The following LAMA2 variants were observed in gnomAD, a reference collection of about 807,000 sequenced individuals.
LAMA2 encodes the protein laminin subunit alpha 2, also known as laminin subunit alpha-2.
LAMA2 carries 269 observed loss-of-function variants against 364.8 expected under a neutral mutation model. That is an observed-to-expected ratio of 0.74 (90% CI 0.67 to 0.82). The LOEUF is 0.82. LAMA2 is among the 40% of genes least tolerant of loss of function. The pLI is 0.00. For synonymous variants in LAMA2, 1,379 were observed against 1,370.6 expected (o/e 1.01, Z -0.14); for missense variants, 3,807 against 3,873.2 (o/e 0.98, Z 0.45).
At chr6:129,058,007 A>T (rs912805606) in intron 2 of LAMA2, among the ~76,000 whole-genome samples, 3 of 152,204 alleles carry the variant, frequency 2.0e-5, no homozygotes, top group African/African-American at 7.2e-5. Context: ...ACACAGGAGT[A>T]CAGGGAAGCT....
At chr6:129,380,166 G>A (rs1197528416) in intron 34 of LAMA2, among the ~76,000 whole-genome samples, 1 of 152,052 alleles carries the variant, frequency 6.6e-6, no homozygotes, top group Non-Finnish European at 1.5e-5. Context: ...AGGTAAGGAG[G>A]GCTTCACTGA....
intron 18 of LAMA2, among the ~76,000 whole-genome samples, chr6:129,285,392 A>T (rs993856539): frequency 2.6e-5 from 4 of 152,066 alleles, no homozygotes; most frequent in African/African-American, 9.7e-5. Context: ...TAAAAGACAG[A>T]TGCTTCTTTA....
intron 1 of LAMA2, among the ~76,000 whole-genome samples, chr6:128,934,810 T>A (rs763465892): frequency 2.0e-5 from 3 of 152,156 alleles, no homozygotes; most frequent in Non-Finnish European, 4.4e-5. Context: ...CACCCGGCCA[T>A]TTTTTCTACA....
intron 1 of LAMA2, among the ~76,000 whole-genome samples, chr6:128,892,542 A>T (rs1776523213): frequency 6.6e-6 from 1 of 152,048 alleles, no homozygotes; most frequent in African/African-American, 2.4e-5. Context: ...CATAAAGGTT[A>T]GTTATTATTC....
chr6:129,379,357 C>T (rs950412128), intron 34 of LAMA2, among the ~76,000 whole-genome samples: 2 of 151,540 alleles, frequency 1.3e-5, no homozygotes, highest in African/African-American at 4.9e-5. Context: ...CAAATCTGCA[C>T]ATCCTGCACA....
intron 1 of LAMA2, among the ~76,000 whole-genome samples, chr6:129,005,467 T>A (rs746128821): frequency 1.3e-5 from 2 of 151,916 alleles, no homozygotes; most frequent in Non-Finnish European, 2.9e-5. Flanking sequence ...ACCTGCTTTT[T>A]AAAAAAATAT....
chr6:129,145,073 G>A (rs76883701), intron 5 of LAMA2, among the ~76,000 whole-genome samples: 1,760 of 152,064 alleles, frequency 0.012, 35 homozygotes, highest in African/African-American at 0.04. Flanking sequence ...TCTACTGTAT[G>A]ACTAGAGGTA....
chr6:128,922,596 T>G (rs1484877629), intron 1 of LAMA2, among the ~76,000 whole-genome samples: 2 of 151,924 alleles, frequency 1.3e-5, no homozygotes, highest in African/African-American at 4.9e-5. Context: ...TCATTGTAGA[T>G]TCTGGATATT....
At chr6:129,314,385 C>A (rs1304939153) in intron 23 of LAMA2, among the ~76,000 whole-genome samples, 2 of 103,520 alleles carry the variant, frequency 1.9e-5, no homozygotes, top group African/African-American at 9.3e-5. Context: ...GGCGAAAGAG[C>A]GAGACTCCGT....
chr6:129,462,626 A>G (rs888839056), intron 49 of LAMA2, among the ~76,000 whole-genome samples: 5 of 151,760 alleles, frequency 3.3e-5, no homozygotes, highest in African/African-American at 1.2e-4. Context: ...CAGGATTGTT[A>G]TTGTTTTGTG....
chr6:129,158,173 G>A, intron 8 of LAMA2: 1 of 1,613,310 alleles, frequency 6.2e-7, no homozygotes, highest in Non-Finnish European at 8.5e-7. Context: ...AAGTCATAGA[G>A]AGATCCATTT....
At chr6:129,512,213 G>A (rs887132106) in intron 62 of LAMA2, 150 bp from the exon 63 acceptor site, 2 of 716,054 alleles carry the variant, frequency 2.8e-6, no homozygotes, top group Non-Finnish European at 4.7e-6. Context: ...AGTGGTGGAA[G>A]ATAGGCCAGG....
At chr6:129,407,184 C>G (rs1314312526) in intron 40 of LAMA2, among the ~76,000 whole-genome samples, 1 of 152,096 alleles carries the variant, frequency 6.6e-6, no homozygotes, top group African/African-American at 2.4e-5. Flanking sequence ...TTTTAATCTC[C>G]TTTGGCAACA....
chr6:129,420,808 C>CT (rs1781035247), intron 40 of LAMA2, among the ~76,000 whole-genome samples: 1 of 152,110 alleles, frequency 6.6e-6, no homozygotes, highest in South Asian at 2.1e-4. Context: ...CTGATAAACT[C>CT]TAACTTGCCT....
At chr6:129,405,009 A>C (rs1430084622) in intron 40 of LAMA2, among the ~76,000 whole-genome samples, 4 of 152,066 alleles carry the variant, frequency 2.6e-5, no homozygotes, top group Admixed American at 2.6e-4. Context: ...TTGACTTCTT[A>C]TTCAAAATAG....
Position 129,481,290 on chromosome 6 carries a change from C to T in LAMA2, c.7600C>T (p.Pro2534Ser), listed in dbSNP as rs1355440441. Residue 2534 changes from proline (P) to serine (S), a missense_variant, in exon 55 of 65, where the codon CCT becomes TCT. Pro to Ser is a moderately conservative substitution (Grantham distance 74). Transcript: ENST00000421865. Reference protein sequence around the residue: ...ENVYTVSFPKPGFVELSPVPI... With the variant: ...ENVYTVSFPKSGFVELSPVPI... The stretch of plus-strand genomic sequence containing the variant: ...TGTTTACACAGTTAGCTTTCCTAAG[C>T]CTGGTTTTGTGGAGCTCTCCCCTGT... 8 of 1,613,630 alleles carry T rather than the reference C, an allele frequency of 5.0e-6. No homozygotes were observed. The African/African-American group carries it at 9.4e-5, about 19-fold the overall frequency.
chr6:129,249,980 G>A (rs1037162082), intron 12 of LAMA2, 132 bp from the exon 13 acceptor site: 24 of 705,348 alleles, frequency 3.4e-5, no homozygotes, highest in East Asian at 5.4e-5. Flanking sequence ...TTCCCACTCC[G>A]TACTCCAGTG....
chr6:129,411,488 A>G (rs925978508), intron 40 of LAMA2, among the ~76,000 whole-genome samples: 1 of 152,220 alleles, frequency 6.6e-6, no homozygotes, highest in South Asian at 2.1e-4. Flanking sequence ...AACATTATAC[A>G]GAAAGAGAAT....
chr6:129,480,723 T>G (rs892959228), intron 54 of LAMA2, among the ~76,000 whole-genome samples: 29 of 152,196 alleles, frequency 1.9e-4, no homozygotes, highest in African/African-American at 5.8e-4. Context: ...ACTTTAATAT[T>G]GAGAAAAAAC....
Sources: gnomAD v4.1 joint callset for allele counts (sites outside exome capture counted in the v4.1 genomes callset) on GRCh38, gnomAD v4.1.1 for gene constraint, MANE v1.5 for transcripts, NCBI Gene and HGNC (gene_info 2026-07-23, HGNC 2026-07-21) for gene names.